The following ZNF540 variants were observed in gnomAD, a reference collection of about 807,000 sequenced individuals.
ZNF540 encodes the protein CTD-3064H18.6.
Under a neutral mutation model 11.8 loss-of-function variants are expected in ZNF540, and 3 were observed. The ratio of observed to expected loss-of-function variants is 0.25; its 90% confidence interval spans 0.12 to 0.65. The LOEUF is 0.65. Ranked by LOEUF, ZNF540 falls within the 30% of genes least tolerant of loss-of-function variation. The pLI is 0.83. For missense variants in ZNF540, 709 were observed against 793.1 expected (o/e 0.89, Z 1.27); for synonymous variants, 247 against 259.0 (o/e 0.95, Z 0.45).
At position 37,565,461 on chromosome 19, in the gene ZNF540, T is replaced by C. The variant is rs768648883; in HGVS notation, c.-73+13796T>C. ...CCAGTATGAACTCTCTGATGGTATGTAAGGTGTGAACCAAGAATAAAGGCC... is the reference window on the plus strand; with the variant it reads ...CCAGTATGAACTCTCTGATGGTATGCAAGGTGTGAACCAAGAATAAAGGCC... On this transcript the variant is annotated intron_variant, in intron 1 of 4. Coordinates refer to the ZNF540 transcript ENST00000592533. 6 of 1,613,126 alleles carry C rather than the reference T, an allele frequency of 3.7e-6. No individual in the cohort carries two copies. The Admixed American group carries it at 1.0e-4, about 27-fold the overall frequency.
chr19:37,563,741 A>G (rs1260531313), intron 1 of ZNF540: 1 of 149,208 alleles, frequency 6.7e-6, no homozygotes, highest in Non-Finnish European at 1.5e-5. Context: ...TGGAATATAT[A>G]CACATGTGGA....
chr19:37,586,565 C>G, intron 1 of ZNF540: 1 of 1,356,438 alleles, frequency 7.4e-7, no homozygotes, highest in Non-Finnish European at 1.0e-6. Context: ...GGAAGCAGTT[C>G]CCTTAAGGAA....
At chr19:37,557,481 T>G (rs763632885) in intron 1 of ZNF540, among the ~76,000 whole-genome samples, 9 of 152,176 alleles carry the variant, frequency 5.9e-5, no homozygotes, top group Non-Finnish European at 8.8e-5. Context: ...ATTCAGCTTT[T>G]TGCGCTGAGG....
intron 1 of ZNF540, chr19:37,563,311 A>G (rs1196780810): frequency 1.3e-5 from 2 of 152,066 alleles, no homozygotes; most frequent in African/African-American, 2.4e-5. Context: ...AGCCTGAACA[A>G]GGAGAGCAAG....
At chr19:37,588,024 C>T (rs566760095) in intron 1 of ZNF540, among the ~76,000 whole-genome samples, 12 of 128,934 alleles carry the variant, frequency 9.3e-5, no homozygotes, top group South Asian at 2.7e-4. Context: ...CACTTGTACG[C>T]GGGAGGTGGA....
At chr19:37,586,678 GT>G in intron 1 of ZNF540, 1 of 1,614,044 alleles carries the variant, frequency 6.2e-7, no homozygotes, top group African/African-American at 1.3e-5. Flanking sequence ...GTGGGGCATG[GT>G]TTTTTAGAAC....
At position 37,613,270 on chromosome 19, in the gene ZNF540, A is replaced by C; in HGVS notation, c.*7A>C. On this transcript the variant is annotated 3_prime_UTR_variant, in exon 5 of 5. Coordinates refer to ENST00000316433, the MANE Select transcript of ZNF540 (RefSeq NM_001172225.3). ...AACTCATAATGTAATTTAATATAAG[A>C]AAAGGTTTCCATGTCATGCTCTATT... The C allele has an allele frequency of 1.4e-6, 2 of 1,471,832 alleles. No individual in the cohort carries two copies. Among genetic ancestry groups the C allele is most frequent in the South Asian group, 3.2e-5 (2 of 62,628 alleles). 91.2% of individuals were successfully genotyped at this position (1,471,832 alleles called of 1,614,324 possible).
At chr19:37,601,229 G>T (rs1452132560) in intron 4 of ZNF540, 124 bp downstream of exon 4, 1 of 717,692 alleles carries the variant, frequency 1.4e-6, no homozygotes, top group Non-Finnish European at 2.2e-6. Context: ...CAGGCCTTTG[G>T]AGTAAAGGTT....
chr19:37,566,653 G>A (rs968586891), intron 1 of ZNF540, among the ~76,000 whole-genome samples: 29 of 152,034 alleles, frequency 1.9e-4, no homozygotes, highest in Non-Finnish European at 2.2e-4. Context: ...TCAACATTAA[G>A]AATCTGACCA....
chr19:37,556,389 C>CT (rs1442905040), intron 1 of ZNF540, among the ~76,000 whole-genome samples: 1 of 152,198 alleles, frequency 6.6e-6, no homozygotes, highest in African/African-American at 2.4e-5. Flanking sequence ...TGACCCAGGC[C>CT]TGGGGACCCA....
chr19:37,610,348 G>A (rs1375368050), intron 4 of ZNF540, among the ~76,000 whole-genome samples: 1 of 152,076 alleles, frequency 6.6e-6, no homozygotes, highest in Middle Eastern at 3.2e-3. Context: ...AATGAAATAA[G>A]GATTACATCT....
intron 1 of ZNF540, among the ~76,000 whole-genome samples, chr19:37,577,661 G>A (rs1240263627): frequency 6.6e-6 from 1 of 152,172 alleles, no homozygotes; most frequent in South Asian, 2.1e-4. Flanking sequence ...AGATCCATGA[G>A]TAGAAGTGAA....
At chr19:37,566,362 G>A in intron 1 of ZNF540, 1 of 1,480,426 alleles carries the variant, frequency 6.8e-7, no homozygotes, top group Non-Finnish European at 9.0e-7. Flanking sequence ...TGGTAAAAAT[G>A]ATAGATGAAA....
rs201847427 is a variant in ZNF540, at chr19:37,566,202, G to A, written c.-73+14537G>A. The A allele has an allele frequency of 9.2e-5, 148 of 1,613,690 alleles. No individual in the cohort carries two copies. Among genetic ancestry groups the A allele is most frequent in the Non-Finnish European group, 9.7e-5 (114 of 1,179,884 alleles). On this transcript the variant is annotated intron_variant, in intron 1 of 4. Transcript: ENST00000592533. ...TTGTATTGAAGGTGATGGTTGATAC[G>A]TTTCCCCATATTCTCCCACTGGAGT...
intron 1 of ZNF540, chr19:37,586,819 T>C (rs1246946547): frequency 2.4e-6 from 2 of 842,178 alleles, no homozygotes; most frequent in African/African-American, 3.5e-5. Flanking sequence ...GAACTACCTT[T>C]ACTTCTCCTC....
chr19:37,579,102 G>A (rs779892103), intron 1 of ZNF540, among the ~76,000 whole-genome samples: 1 of 152,116 alleles, frequency 6.6e-6, no homozygotes, highest in African/African-American at 2.4e-5. Context: ...CCCACATACC[G>A]TGATATTCCC....
intron 1 of ZNF540, among the ~76,000 whole-genome samples, chr19:37,596,260 C>T (rs1004540770): frequency 3.3e-5 from 5 of 152,108 alleles, no homozygotes; most frequent in African/African-American, 2.4e-5. Flanking sequence ...TGTAGGCATA[C>T]CTCATTTTAT....
intron 1 of ZNF540, among the ~76,000 whole-genome samples, chr19:37,552,614 T>A (rs1392426761): frequency 6.6e-6 from 1 of 152,208 alleles, no homozygotes; most frequent in Non-Finnish European, 1.5e-5. Context: ...ATATGCCTTT[T>A]TAGAATAAAT....
At chr19:37,600,587 T>C (rs1276643472) in intron 3 of ZNF540, among the ~76,000 whole-genome samples, 1 of 151,858 alleles carries the variant, frequency 6.6e-6, no homozygotes, top group Non-Finnish European at 1.5e-5. Context: ...AAAAAGAAAA[T>C]AAAAGGTACT....
Sources: gnomAD v4.1 joint callset for allele counts (sites outside exome capture counted in the v4.1 genomes callset) on GRCh38, gnomAD v4.1.1 for gene constraint, MANE v1.5 for transcripts, NCBI Gene and HGNC (gene_info 2026-07-23, HGNC 2026-07-21) for gene names.